NALCN: variants seen among roughly 807,000 people sequenced by gnomAD.
NALCN encodes sodium leak channel, non-selective.
NALCN carries 111 observed loss-of-function variants against 225.3 expected under a neutral mutation model. That is an observed-to-expected ratio of 0.49 (90% CI 0.42 to 0.58). The LOEUF is 0.58. Ranked by LOEUF, NALCN falls within the 20% of genes least tolerant of loss-of-function variation. The pLI, the probability that NALCN is intolerant of heterozygous loss-of-function variation, is 0.00. For missense variants in NALCN, 1,378 were observed against 2,202.4 expected, an observed-to-expected ratio of 0.63 and a Z score of 7.49; for synonymous variants, 764 against 769.0, an observed-to-expected ratio of 0.99 and a Z score of 0.11.
At chr13:101,192,093 A>C in intron 13 of NALCN, 39 bp from the exon 14 acceptor site, 1 of 1,563,784 alleles carries the variant, frequency 6.4e-7, no homozygotes, top group Non-Finnish European at 8.6e-7. Flanking sequence ...CACTAGCTTT[A>C]GGCTTGCATA....
chr13:101,055,704 A>G (rs2031148929), intron 43 of NALCN, among the ~76,000 whole-genome samples: 1 of 152,012 alleles, frequency 6.6e-6, no homozygotes, highest in Admixed American at 6.6e-5. Context: ...GTCATTTGGG[A>G]AAAAAACGTG....
At chr13:101,402,682 T>G (rs1260183131) in intron 1 of NALCN, among the ~76,000 whole-genome samples, 2 of 152,164 alleles carry the variant, frequency 1.3e-5, no homozygotes, top group Non-Finnish European at 2.9e-5. Context: ...TGTTACAGTT[T>G]CCATTACCAT....
At chr13:101,113,752 G>A (rs904452643) in intron 18 of NALCN, among the ~76,000 whole-genome samples, 1 of 152,196 alleles carries the variant, frequency 6.6e-6, no homozygotes. Flanking sequence ...TTTCACCTAT[G>A]TGAAAGCACA....
At chr13:101,319,012 T>C (rs142021754) in intron 7 of NALCN, among the ~76,000 whole-genome samples, 1 of 152,158 alleles carries the variant, frequency 6.6e-6, no homozygotes, top group East Asian at 1.9e-4. Context: ...TTGTTATGAG[T>C]TGAATGGACT....
At chr13:101,297,712 G>T (rs1490980602) in intron 7 of NALCN, among the ~76,000 whole-genome samples, 1 of 152,186 alleles carries the variant, frequency 6.6e-6, no homozygotes, top group Admixed American at 6.5e-5. Flanking sequence ...TGCTACAGGT[G>T]CTTGTTTTCT....
intron 22 of NALCN, among the ~76,000 whole-genome samples, chr13:101,106,958 T>A (rs2035149695): frequency 6.6e-6 from 1 of 152,350 alleles, no homozygotes; most frequent in Non-Finnish European, 1.5e-5. Context: ...CAATGTCCAC[T>A]CTACTTACGG....
chr13:101,169,330 G>A (rs1000204328), intron 15 of NALCN, among the ~76,000 whole-genome samples: 16 of 149,344 alleles, frequency 1.1e-4, no homozygotes, highest in Admixed American at 4.0e-4. Flanking sequence ...ATGCCATTAT[G>A]TATTTTTAAA....
At chr13:101,327,374 G>T (rs2044997167) in intron 7 of NALCN, among the ~76,000 whole-genome samples, 1 of 130,564 alleles carries the variant, frequency 7.7e-6, no homozygotes, top group Non-Finnish European at 1.8e-5. Context: ...AATTTTTCTA[G>T]CTAAAACATT....
rs112189614 is a variant in NALCN, at chr13:101,358,929, C to A, written c.645-13509G>T. Reference sequence around the variant, plus strand: ...TGAAGCTGGAAGCCATCACCTTCAGCAAACGTAACACAGGATCAGAAAACC... The same window carrying A: ...TGAAGCTGGAAGCCATCACCTTCAGAAAACGTAACACAGGATCAGAAAACC... On this transcript the variant is annotated intron_variant, in intron 6 of 43. Coordinates refer to ENST00000251127, the MANE Select transcript of NALCN (RefSeq NM_052867.4). Among the ~76,000 whole-genome samples the A allele has an allele frequency of 1.7e-3, 252 of 151,358 alleles. 1 individual carries two copies. Among genetic ancestry groups the A allele is most frequent in the Non-Finnish European group, 2.8e-3 (193 of 68,020 alleles).
intron 15 of NALCN, among the ~76,000 whole-genome samples, chr13:101,148,444 C>A (rs1368373524): frequency 6.6e-6 from 1 of 152,174 alleles, no homozygotes; most frequent in Non-Finnish European, 1.5e-5. Flanking sequence ...ACTGGACCAT[C>A]CAGAACAATT....
chr13:101,373,074 C>CA (rs1404230491), intron 6 of NALCN: 1 of 390,320 alleles, frequency 2.6e-6, no homozygotes, highest in East Asian at 8.6e-5. Context: ...GCAATATTGA[C>CA]AAATTATAAA....
At chr13:101,071,010 C>A (rs1273281445) in intron 37 of NALCN, among the ~76,000 whole-genome samples, 1 of 152,130 alleles carries the variant, frequency 6.6e-6, no homozygotes, top group Non-Finnish European at 1.5e-5. Flanking sequence ...CTTATAAAAC[C>A]ATCAGATCTC....
chr13:101,162,159 G>A (rs1471175386), intron 15 of NALCN, among the ~76,000 whole-genome samples: 1 of 152,116 alleles, frequency 6.6e-6, no homozygotes, highest in Non-Finnish European at 1.5e-5. Context: ...GGTCTTCTAC[G>A]AGTGTCTCTC....
intron 6 of NALCN, among the ~76,000 whole-genome samples, chr13:101,369,324 T>G (rs1328541700): frequency 6.6e-6 from 1 of 152,150 alleles, no homozygotes; most frequent in Non-Finnish European, 1.5e-5. Flanking sequence ...GTGAACTTCA[T>G]TTTTAGGATA....
chr13:101,070,176 C>T (rs1318021554), intron 37 of NALCN, among the ~76,000 whole-genome samples: 1 of 151,350 alleles, frequency 6.6e-6, no homozygotes, highest in African/African-American at 2.4e-5. Context: ...ACGCCATTCT[C>T]CTGCCTCAGC....
At chr13:101,060,037 C>A in intron 41 of NALCN, 70 bp from the exon 42 acceptor site, 1 of 1,564,108 alleles carries the variant, frequency 6.4e-7, no homozygotes. Flanking sequence ...CCACACAAAT[C>A]TTATTTTCTT....
intron 17 of NALCN, among the ~76,000 whole-genome samples, chr13:101,138,058 C>T (rs2139764708): frequency 6.6e-6 from 1 of 152,256 alleles, no homozygotes; most frequent in South Asian, 2.1e-4. Context: ...GGGGTGCTTT[C>T]TTCCTTTATC....
intron 1 of NALCN, among the ~76,000 whole-genome samples, chr13:101,407,184 T>C (rs2139540598): frequency 6.6e-6 from 1 of 152,258 alleles, no homozygotes; most frequent in Admixed American, 6.5e-5. Flanking sequence ...AAATAGAAAT[T>C]CTCTAACAAA....
intron 28 of NALCN, among the ~76,000 whole-genome samples, chr13:101,092,258 T>C (rs1376122221): frequency 1.3e-5 from 2 of 152,092 alleles, no homozygotes; most frequent in African/African-American, 4.8e-5. Flanking sequence ...AAGATCAAGG[T>C]AGGGAGAGCT....
Sources: gnomAD v4.1 joint callset for allele counts (sites outside exome capture counted in the v4.1 genomes callset) on GRCh38, gnomAD v4.1.1 for gene constraint, MANE v1.5 for transcripts, NCBI Gene and HGNC (gene_info 2026-07-23, HGNC 2026-07-21) for gene names.